The following ANXA8 variants were observed in gnomAD, a reference collection of about 807,000 sequenced individuals.
The protein encoded by ANXA8 is VAC-beta.
In ANXA8, 9 loss-of-function variants were observed where a neutral mutation model predicts 26.8. The observed-to-expected ratio is 0.34, with a 90% confidence interval of 0.20 to 0.59. ANXA8 has a LOEUF of 0.59. Ranked by LOEUF, ANXA8 falls within the 20% of genes least tolerant of loss-of-function variation. The pLI, the probability that ANXA8 is intolerant of heterozygous loss-of-function variation, is 0.84. For synonymous variants in ANXA8, 39 were observed against 94.8 expected (o/e 0.41, Z 3.42); for missense variants, 83 against 238.5 (o/e 0.35, Z 4.29).
chr10:47,937,384 C>T, the ANXA8 span, among the ~76,000 whole-genome samples: 12 of 149,394 alleles, frequency 8.0e-5, 1 homozygote, highest in Non-Finnish European at 1.6e-4. Context: ...TTGTGCTCTT[C>T]TAAGAGTCCA....
At chr10:47,567,626 C>A in the ANXA8 span, among the ~76,000 whole-genome samples, 1 of 151,862 alleles carries the variant, frequency 6.6e-6, no homozygotes, top group Non-Finnish European at 1.5e-5. Flanking sequence ...TCTGTCCCCA[C>A]CCACTCTTGT....
chr10:47,710,604 ACAGAAG>A, the ANXA8 span: 3 of 1,454,744 alleles, frequency 2.1e-6, no homozygotes, highest in Non-Finnish European at 2.8e-6. Context: ...GTTATAGAGG[ACAGAAG>A]CAGAAAAAAG....
At chr10:47,667,194 G>A in the ANXA8 span, among the ~76,000 whole-genome samples, 1 of 151,924 alleles carries the variant, frequency 6.6e-6, no homozygotes, top group African/African-American at 2.4e-5. Flanking sequence ...CTGTTTCATG[G>A]GAGGCAAATA....
the ANXA8 span, among the ~76,000 whole-genome samples, chr10:47,703,642 A>G: frequency 6.6e-6 from 1 of 151,736 alleles, no homozygotes; most frequent in African/African-American, 2.4e-5. Context: ...TAAATACTGC[A>G]CCGACACAAA....
chr10:47,683,393 T>G, the ANXA8 span, among the ~76,000 whole-genome samples: 67 of 151,808 alleles, frequency 4.4e-4, 1 homozygote, highest in Non-Finnish European at 7.5e-4. Flanking sequence ...CACGCCCAGC[T>G]AATTTTTTGT....
chr10:47,977,399 AT>A, the ANXA8 span, among the ~76,000 whole-genome samples: 1 of 151,364 alleles, frequency 6.6e-6, no homozygotes. Context: ...TAAGAAAAAA[AT>A]ATGAGAAATA....
At chr10:47,510,931 AATTAATTTATTT>A in the ANXA8 span, among the ~76,000 whole-genome samples, 2 of 129,920 alleles carry the variant, frequency 1.5e-5, no homozygotes, top group South Asian at 2.4e-4. Context: ...TTAATTAATT[AATTAATTTATTT>A]ATTTATTTAT....
chr10:47,710,650 CA>C, the ANXA8 span: 1 of 1,206,518 alleles, frequency 8.3e-7, no homozygotes, highest in Non-Finnish European at 1.2e-6. Context: ...GGCCCAAGAT[CA>C]ACATTATGCG....
chr10:47,761,108 A>G, the ANXA8 span, among the ~76,000 whole-genome samples: 1 of 149,266 alleles, frequency 6.7e-6, no homozygotes, highest in East Asian at 2.0e-4. Flanking sequence ...ACACGCACAC[A>G]CACACACACA....
At chr10:47,535,356 T>C in the ANXA8 span, among the ~76,000 whole-genome samples, 3 of 130,256 alleles carry the variant, frequency 2.3e-5, no homozygotes, top group Admixed American at 7.4e-5. Flanking sequence ...AAAGGAATTA[T>C]AGATCTTTCT....
chr10:47,483,871 A>G (rs1374288909), intron 1 of ANXA8, 42 bp downstream of exon 1: 13 of 1,611,396 alleles, frequency 8.1e-6, no homozygotes, highest in Non-Finnish European at 1.1e-5. Flanking sequence ...CCAGCACCCA[A>G]CACCATGCAG....
chr10:47,628,298 G>A, the ANXA8 span, among the ~76,000 whole-genome samples: 1 of 152,100 alleles, frequency 6.6e-6, no homozygotes, highest in Non-Finnish European at 1.5e-5. Context: ...TTTTTGTATT[G>A]TTAACAAGGA....
chr10:47,599,973 T>A, the ANXA8 span: 1 of 149,788 alleles, frequency 6.7e-6, no homozygotes, highest in Non-Finnish European at 1.5e-5. Context: ...GTACAGATTA[T>A]GGTATAATTT....
chr10:47,941,681 A>G, the ANXA8 span, among the ~76,000 whole-genome samples: 1 of 147,484 alleles, frequency 6.8e-6, no homozygotes, highest in Admixed American at 6.7e-5. Context: ...TTCAGTTCTT[A>G]TGCTGTGCCA....
the ANXA8 span, among the ~76,000 whole-genome samples, chr10:47,575,198 C>CAAAAAAAAAAAAAAAAA: frequency 9.3e-6 from 1 of 107,286 alleles, no homozygotes; most frequent in African/African-American, 3.9e-5. Context: ...GAGTGAAACT[C>CAAAAAAAAAAAAAAAAA]AAAAAAAAAA....
the ANXA8 span, among the ~76,000 whole-genome samples, chr10:47,709,541 TA>T: frequency 9.4e-3 from 1,401 of 149,426 alleles, 18 homozygotes; most frequent in South Asian, 0.021. Context: ...GAAAAACATT[TA>T]AAAGACATAG....
upstream of ANXA8, among the ~76,000 whole-genome samples, chr10:47,486,498 C>T (rs1340490104): frequency 7.1e-3 from 975 of 137,670 alleles, 30 homozygotes; most frequent in African/African-American, 0.024. Context: ...GACAGAGAAG[C>T]ATCTGTTTCA....
At chr10:47,771,496 TTTAC>T in the ANXA8 span, among the ~76,000 whole-genome samples, 1 of 151,642 alleles carries the variant, frequency 6.6e-6, no homozygotes, top group African/African-American at 2.4e-5. Flanking sequence ...CACCAAATAC[TTTAC>T]TTACATTGTT....
At chr10:47,748,003 A>C in the ANXA8 span, among the ~76,000 whole-genome samples, 1 of 152,188 alleles carries the variant, frequency 6.6e-6, no homozygotes, top group Non-Finnish European at 1.5e-5. Flanking sequence ...AAGAGTATGG[A>C]AAATACAGCA....
Sources: gnomAD v4.1 joint callset for allele counts (sites outside exome capture counted in the v4.1 genomes callset) on GRCh38, gnomAD v4.1.1 for gene constraint, MANE v1.5 for transcripts, NCBI Gene and HGNC (gene_info 2026-07-23, HGNC 2026-07-21) for gene names.